DLG3: variants seen among roughly 807,000 people sequenced by gnomAD.
The protein encoded by DLG3 is discs large MAGUK scaffold protein 3.
DLG3 carries 1 observed loss-of-function variant against 64.1 expected under a neutral mutation model. The ratio of observed to expected loss-of-function variants is 0.02; its 90% confidence interval spans 0.01 to 0.07. The LOEUF (loss-of-function observed/expected upper bound fraction) is 0.07, where lower values mean the gene tolerates loss of function less well. Among genes scored for constraint, DLG3 ranks in the 10% least tolerant of loss-of-function variants. The pLI is 1.00. For missense variants in DLG3, 429 were observed against 669.5 expected, an observed-to-expected ratio of 0.64 and a Z score of 3.96; for synonymous variants, 245 against 259.8, an observed-to-expected ratio of 0.94 and a Z score of 0.55.
At chrX:70,467,969 A>G (rs887305172) in intron 9 of DLG3, among the ~76,000 whole-genome samples, 1 of 112,175 alleles carries the variant, frequency 8.9e-6, no homozygotes, top group Non-Finnish European at 1.9e-5. Context: ...GGAATAGGTG[A>G]GAAGGCAAGA....
At position 70,479,168 on chromosome X, in the gene DLG3, C is replaced by T. The variant is rs953325312; in HGVS notation, c.1424C>T (p.Ser475Leu). Reference sequence around the variant, plus strand: ...GTGACAGAATACAGTCGCTTTGAATCGAAGATACATGACTTACGAGAACAA... The same window carrying T: ...GTGACAGAATACAGTCGCTTTGAATTGAAGATACATGACTTACGAGAACAA... Reference protein sequence around the residue: ...YRPEEYSRFESKIHDLREQMM... With the variant: ...YRPEEYSRFELKIHDLREQMM... The change falls in exon 10 of 19, where the codon TCG (serine) becomes TTG (leucine). Residue 475 changes from serine to leucine, a missense_variant. Physicochemically the swap from Ser to Leu is moderately radical, Grantham distance 145. Around this residue, in one of 9 missense-constraint regions of DLG3, gnomAD observed 46 missense variants for 52.3 expected, o/e 0.88. Transcript: ENST00000374360. The T allele has an allele frequency of 3.2e-5, 38 of 1,197,011 alleles. No homozygotes were observed. The highest frequency in any genetic ancestry group is 3.8e-5 in the Non-Finnish European group (34 of 886,539).
intron 1 of DLG3, chrX:70,448,633 G>A (rs200782593): frequency 2.8e-5 from 32 of 1,161,454 alleles, no homozygotes; most frequent in African/African-American, 3.6e-5. Flanking sequence ...ACAGCCTCTC[G>A]GTGAGTGCAC....
chrX:70,484,766 ACAT>A (rs1393433580), intron 10 of DLG3, among the ~76,000 whole-genome samples: 1 of 111,619 alleles, frequency 9.0e-6, no homozygotes, highest in Non-Finnish European at 1.9e-5. Flanking sequence ...TGCCTCTCCA[ACAT>A]CATAATTGCC....
At chrX:70,487,815 C>T (rs1375195008) in intron 10 of DLG3, among the ~76,000 whole-genome samples, 1 of 108,516 alleles carries the variant, frequency 9.2e-6, no homozygotes, top group East Asian at 2.9e-4. Flanking sequence ...CCATACCCAG[C>T]TAATTTGTAT....
chrX:70,493,866 G>C (rs1262306050), intron 12 of DLG3, among the ~76,000 whole-genome samples: 1 of 112,526 alleles, frequency 8.9e-6, no homozygotes, highest in Non-Finnish European at 1.9e-5. Context: ...ACTCAGTGTT[G>C]CTCTCCTGGT....
In DLG3 at chrX:70,504,109, AC is replaced by A. The variant is rs749772964; in HGVS notation, c.*1841del. The A allele has an allele frequency of 1.5e-3, 166 of 112,079 alleles. No homozygotes were observed. The highest frequency in any genetic ancestry group is 4.2e-3 in the South Asian group (11 of 2,635). The allele number at this position is 112,079 out of a possible 1,213,427, so 9.2% of individuals were successfully genotyped here. A position where few individuals can be genotyped will look rare whatever the true frequency, so the allele number is the denominator to read the frequency against. ...GACCCAGGATGAGGATAAGGAAAGG[AC>A]AGCGGCTTTCCCTGGGCAGTACAAT... On this transcript the variant is annotated 3_prime_UTR_variant, in exon 19 of 19. Transcript: ENST00000374360.
Position 70,497,627 on chromosome X carries a change from C to T in DLG3, c.1820-893C>T, listed in dbSNP as rs770452011. Among the ~76,000 whole-genome samples, 4 of 112,108 alleles carry T rather than the reference C, an allele frequency of 3.6e-5. No individual in the cohort carries two copies. In the South Asian group the frequency reaches 1.5e-3, roughly 42 times the overall value. On this transcript the variant is annotated intron_variant, in intron 13 of 18. Coordinates refer to ENST00000374360, the MANE Select transcript of DLG3 (RefSeq NM_021120.4). ...TTCCAGGTCATTAGGACCTCTTTGC[C>T]TTTGGGGCCAGTTAAAGGATGAGGT...
intron 10 of DLG3, among the ~76,000 whole-genome samples, chrX:70,488,424 C>T (rs979990805): frequency 2.0e-4 from 22 of 112,204 alleles, no homozygotes; most frequent in African/African-American, 5.8e-4. Context: ...CTAGATGAGG[C>T]TGTGTGCATA....
intron 16 of DLG3, 130 bp downstream of exon 16, chrX:70,500,179 C>A (rs1054624785): frequency 3.8e-5 from 22 of 577,073 alleles, no homozygotes; most frequent in Non-Finnish European, 5.8e-5. Flanking sequence ...CATCTGCATA[C>A]TCCCAGCGCC....
At chrX:70,462,548 A>T (rs1446658430) in intron 9 of DLG3, among the ~76,000 whole-genome samples, 3 of 111,544 alleles carry the variant, frequency 2.7e-5, no homozygotes, top group Non-Finnish European at 5.7e-5. Flanking sequence ...GCGAGCCACC[A>T]TACCCGGCCA....
intron 9 of DLG3, among the ~76,000 whole-genome samples, chrX:70,471,931 T>C (rs2147823509): frequency 8.9e-6 from 1 of 111,774 alleles, no homozygotes; most frequent in East Asian, 2.8e-4. Flanking sequence ...TGTCTTACAC[T>C]CCCAGAATAA....
At chrX:70,486,745 C>T in intron 10 of DLG3, among the ~76,000 whole-genome samples, 1 of 106,265 alleles carries the variant, frequency 9.4e-6, no homozygotes, top group Non-Finnish European at 1.9e-5. Context: ...TGTAGGACTT[C>T]CGTCCTGGGA....
chrX:70,447,367 G>A (rs2086579001), intron 1 of DLG3, among the ~76,000 whole-genome samples: 1 of 112,109 alleles, frequency 8.9e-6, no homozygotes, highest in African/African-American at 3.2e-5. Context: ...TGGTACTTAA[G>A]GCAGCTGTGT....
chrX:70,449,660 A>C (rs776883259), intron 3 of DLG3, 30 bp from the exon 4 acceptor site: 1 of 1,207,590 alleles, frequency 8.3e-7, no homozygotes, highest in East Asian at 3.0e-5. Context: ...GTAGGGGCAC[A>C]GTGTCATGCC....
chrX:70,472,922 C>T (rs759463318), intron 9 of DLG3, among the ~76,000 whole-genome samples: 26 of 110,794 alleles, frequency 2.3e-4, no homozygotes, highest in African/African-American at 7.5e-4. Flanking sequence ...TTTGGGAGGC[C>T]GAGGTGGGCA....
At chrX:70,486,843 A>G (rs2087264133) in intron 10 of DLG3, among the ~76,000 whole-genome samples, 1 of 110,344 alleles carries the variant, frequency 9.1e-6, no homozygotes, top group Non-Finnish European at 1.9e-5. Flanking sequence ...AGAGGAGAAT[A>G]TATCAGTGTT....
At chrX:70,489,281 A>C (rs2087312605) in intron 10 of DLG3, among the ~76,000 whole-genome samples, 1 of 111,743 alleles carries the variant, frequency 8.9e-6, no homozygotes, top group East Asian at 2.8e-4. Flanking sequence ...TATGTGTTTT[A>C]ATTTTTTTTT....
Position 70,451,889 on chromosome X carries a change from C to T in DLG3, c.1008C>T (p.Asn336=). The change falls in exon 7 of 19, where the codon AAC becomes AAT. Residue 336 remains asparagine (N), a synonymous_variant. Coordinates refer to ENST00000374360, the MANE Select transcript of DLG3 (RefSeq NM_021120.4). ...YASTFTALAD[N]HISHNSSLGY... ...CAGCTTTTACTGCCTTGGCTGACAA[C>T]CACATAAGCCATAATTCCAGCCTGG... is the stretch of plus-strand genomic sequence containing the variant. 1 of 1,211,469 alleles carries T rather than the reference C, an allele frequency of 8.3e-7. No homozygotes were observed. The highest frequency in any genetic ancestry group is 1.1e-6 in the Non-Finnish European group (1 of 895,462).
At chrX:70,494,774 TCTCC>T (rs1239819891) in intron 12 of DLG3, among the ~76,000 whole-genome samples, 1 of 112,099 alleles carries the variant, frequency 8.9e-6, no homozygotes, top group East Asian at 2.8e-4. Context: ...GCCTAGTGCT[TCTCC>T]AGAAGCTGAG....
Sources: gnomAD v4.1 joint callset for allele counts (sites outside exome capture counted in the v4.1 genomes callset) on GRCh38, gnomAD v4.1.1 for gene constraint, gnomAD v4.1.1 regional missense constraint, MANE v1.5 for transcripts, NCBI Gene and HGNC (gene_info 2026-07-23, HGNC 2026-07-21) for gene names.